Variants in PYGB observed in about 807,000 individuals in gnomAD.
PYGB encodes the protein glycogen phosphorylase, brain form.
Under a neutral mutation model 94.3 loss-of-function variants are expected in PYGB, and 82 were observed. The observed-to-expected ratio is 0.87, with a 90% CI of 0.73 to 1.04. The LOEUF (loss-of-function observed/expected upper bound fraction) is 1.04, where lower values mean the gene tolerates loss of function less well. Ranked by LOEUF, PYGB falls within the 50% of genes least tolerant of loss-of-function variation. The pLI is 0.00. For missense variants in PYGB, 1,132 were observed against 1,158.2 expected (o/e 0.98, Z 0.33); for synonymous variants, 488 against 479.1 (o/e 1.02, Z -0.24).
chr20:25,284,300 GC>G, intron 14 of PYGB, 49 bp downstream of exon 14: 1 of 1,584,662 alleles, frequency 6.3e-7, no homozygotes, highest in Non-Finnish European at 8.6e-7. Context: ...CCCAAGGCTT[GC>G]CCTTGCCCGC....
chr20:25,283,293 GC>G lies in PYGB; in HGVS notation c.1620+20del. On this transcript the variant is annotated intron_variant, in intron 13 of 19. Coordinates refer to ENST00000216962, the MANE Select transcript of PYGB (RefSeq NM_002862.4). ...GGTCAAACAGGTAGGCATGGCCCTG[GC>G]CCCAGCCCCGACCCCAGCCCTCCCA... The G allele has an allele frequency of 6.2e-7, 1 of 1,603,084 alleles. No homozygotes were observed.
At chr20:25,276,294 G>C (rs1227272520) in intron 5 of PYGB, among the ~76,000 whole-genome samples, 2 of 152,164 alleles carry the variant, frequency 1.3e-5, no homozygotes, top group African/African-American at 4.8e-5. Flanking sequence ...GAGGGCAGAG[G>C]GTAAGGAGGG....
chr20:25,267,193 A>G (rs1248922588), intron 2 of PYGB, among the ~76,000 whole-genome samples: 1 of 152,258 alleles, frequency 6.6e-6, no homozygotes, highest in Non-Finnish European at 1.5e-5. Context: ...CACAACATGG[A>G]TGAAGCTTGA....
rs762261378 is a variant in PYGB at position 25,280,454 on chromosome 20, C to T, written c.1239+42C>T. On this transcript the variant is annotated intron_variant, in intron 10 of 19. Coordinates refer to ENST00000216962, the MANE Select transcript of PYGB (RefSeq NM_002862.4). The stretch of plus-strand genomic sequence containing the variant: ...CTGGCCGTGTAGGGTGGCGGCTACA[C>T]CCATGCCAACGGCCCCCCACCTGGC... 4 of 1,602,058 alleles carry T rather than the reference C, an allele frequency of 2.5e-6. No homozygotes were observed. In the East Asian group the frequency reaches 8.9e-5, roughly 36 times the overall value.
At chr20:25,290,391 C>T in intron 15 of PYGB, 90 bp from the exon 16 acceptor site, 1 of 1,502,836 alleles carries the variant, frequency 6.7e-7, no homozygotes, top group East Asian at 2.3e-5. Context: ...GCTCTAGCCT[C>T]ACCCCCCTAC....
intron 13 of PYGB, 78 bp from the exon 14 acceptor site, chr20:25,284,026 C>T (rs1013495083): frequency 1.3e-6 from 2 of 1,556,232 alleles, no homozygotes; most frequent in South Asian, 1.2e-5. Flanking sequence ...TCACAGGGCA[C>T]TTGAAGCAGG....
intron 2 of PYGB, among the ~76,000 whole-genome samples, chr20:25,264,496 C>T (rs550836995): frequency 6.6e-6 from 1 of 152,282 alleles, no homozygotes; most frequent in East Asian, 1.9e-4. Flanking sequence ...TCCCTGTTTG[C>T]TGATGACATA....
intron 4 of PYGB, among the ~76,000 whole-genome samples, chr20:25,273,955 C>T (rs1029168608): frequency 2.0e-5 from 3 of 152,232 alleles, no homozygotes; most frequent in Non-Finnish European, 4.4e-5. Context: ...TGAAGCGATC[C>T]TCCCACCCTG....
At position 25,263,843 on chromosome 20, in the gene PYGB, A is replaced by G. The variant is rs553311566; in HGVS notation, c.345+4505A>G. ...CCAGAGGGATTCACAGCTGAATTCT[A>G]CCAGAGGTACAAGGAGGAGCTGCTA... is the stretch of plus-strand genomic sequence containing the variant. On this transcript the variant is annotated intron_variant, in intron 2 of 19. Coordinates refer to ENST00000216962, the MANE Select transcript of PYGB (RefSeq NM_002862.4). Among the ~76,000 whole-genome samples the G allele has an allele frequency of 2.5e-3, 382 of 152,362 alleles. 1 individual carries two copies. The highest frequency in any genetic ancestry group is 0.017 in the Middle Eastern group (5 of 294).
At chr20:25,264,733 C>T (rs1179558148) in intron 2 of PYGB, among the ~76,000 whole-genome samples, 3 of 152,120 alleles carry the variant, frequency 2.0e-5, no homozygotes, top group African/African-American at 7.2e-5. Flanking sequence ...TGTGAAGGAC[C>T]TCTTCAAGGA....
chr20:25,283,284 A>ATGGCCC lies in PYGB; in HGVS notation c.1620+14_1620+19dup, dbSNP rs1464124839. ...CGTGGCCAAGGTCAAACAGGTAGGC[A>ATGGCCC]TGGCCCTGGCCCCAGCCCCGACCCC... On this transcript the variant is annotated splice_region_variant and intron_variant, in intron 13 of 19. Coordinates refer to ENST00000216962, the MANE Select transcript of PYGB (RefSeq NM_002862.4). The ATGGCCC allele has an allele frequency of 8.7e-6, 14 of 1,611,100 alleles. No individual in the cohort carries two copies. Among genetic ancestry groups the ATGGCCC allele is most frequent in the Non-Finnish European group, 1.2e-5 (14 of 1,178,072 alleles).
chr20:25,254,551 C>G (rs1302066994), intron 1 of PYGB, among the ~76,000 whole-genome samples: 1 of 152,174 alleles, frequency 6.6e-6, no homozygotes, highest in Non-Finnish European at 1.5e-5. Flanking sequence ...GTTCGGTTAA[C>G]AGTGTCTTCA....
chr20:25,276,283 G>A (rs980087687), intron 5 of PYGB, among the ~76,000 whole-genome samples: 2 of 152,164 alleles, frequency 1.3e-5, no homozygotes, highest in African/African-American at 2.4e-5. Context: ...GGGGAGGCGC[G>A]GAGGGCAGAG....
At chr20:25,295,008 T>G in intron 18 of PYGB, 1 of 1,614,220 alleles carries the variant, frequency 6.2e-7, no homozygotes, top group South Asian at 1.1e-5. Flanking sequence ...GGATCTGGGC[T>G]GGAACCTGGG....
intron 10 of PYGB, 106 bp downstream of exon 10, chr20:25,280,518 C>G: frequency 7.0e-7 from 1 of 1,431,240 alleles, no homozygotes; most frequent in Non-Finnish European, 9.6e-7. Flanking sequence ...ACGAGGCACC[C>G]TCTGTTCAGC....
chr20:25,265,569 GTTGT>G (rs886219125), intron 2 of PYGB, among the ~76,000 whole-genome samples: 5 of 150,684 alleles, frequency 3.3e-5, no homozygotes, highest in African/African-American at 1.2e-4. Flanking sequence ...TTTAAATCAG[GTTGT>G]TTGTTTTCTT....
At chr20:25,286,289 T>G (rs1459212217) in intron 14 of PYGB, among the ~76,000 whole-genome samples, 1 of 152,216 alleles carries the variant, frequency 6.6e-6, no homozygotes, top group Non-Finnish European at 1.5e-5. Flanking sequence ...CCTTCTTCCT[T>G]GGTGCCTACT....
rs960259575 is a variant in PYGB at position 25,275,026 on chromosome 20, C to T, written c.660+303C>T. 9.8e-5 allele frequency among the ~76,000 whole-genome samples: 15 copies of T among 152,348 alleles called. No homozygotes were observed. The East Asian group carries it at 2.9e-3, about 29-fold the overall frequency. ...GGGCGTCCACTCACAGCCAGATGCT[C>T]ACGAGAACCCCGCTGCTTAAGGGCA... is the stretch of plus-strand genomic sequence containing the variant. On this transcript the variant is annotated intron_variant, in intron 5 of 19. Coordinates refer to ENST00000216962, the MANE Select transcript of PYGB (RefSeq NM_002862.4).
At chr20:25,266,320 G>C (rs2088218212) in intron 2 of PYGB, among the ~76,000 whole-genome samples, 1 of 151,876 alleles carries the variant, frequency 6.6e-6, no homozygotes, top group South Asian at 2.1e-4. Flanking sequence ...TTCAACAAAT[G>C]GTATTGGGAT....
Sources: allele counts gnomAD v4.1 joint callset (sites outside exome capture counted in the v4.1 genomes callset), GRCh38; gene constraint gnomAD v4.1.1; transcripts MANE v1.5; gene names NCBI Gene and HGNC (gene_info 2026-07-23, HGNC 2026-07-21).